The following SYNCRIP variants were observed in gnomAD, a reference collection of about 807,000 sequenced individuals.
SYNCRIP encodes the protein synaptotagmin binding cytoplasmic RNA interacting protein.
A neutral mutation model predicts 68.9 loss-of-function variants in SYNCRIP; 9 were observed. The observed-to-expected ratio is 0.13, with a 90% CI of 0.08 to 0.23. The LOEUF is 0.23. Among genes scored for constraint, SYNCRIP ranks in the 10% least tolerant of loss-of-function variants. The pLI is 1.00. For missense variants in SYNCRIP, 414 were observed against 770.6 expected (o/e 0.54, Z 5.48); for synonymous variants, 258 against 254.0 (o/e 1.02, Z -0.15).
chr6:85,627,032 G>C (rs1422587827), intron 6 of SYNCRIP, among the ~76,000 whole-genome samples: 1 of 152,184 alleles, frequency 6.6e-6, no homozygotes, highest in African/African-American at 2.4e-5. Flanking sequence ...TTGGGAGGCT[G>C]AGGCGGGCGA....
chr6:85,617,013 A>G lies in SYNCRIP; in HGVS notation c.1281-1666T>C, dbSNP rs139984805. 2.9e-3 allele frequency among the ~76,000 whole-genome samples: 442 copies of G among 152,252 alleles called. 1 individual carries two copies. Among genetic ancestry groups the G allele is most frequent in the African/African-American group, 0.01 (420 of 41,530 alleles). ...ATGAGAAATCCTGGTATAGTGGTTA[A>G]GAGGGAAAATTATGGGAGACTAGAC... On this transcript the variant is annotated intron_variant, in intron 10 of 10. Transcript: ENST00000369622.
At position 85,615,303 on chromosome 6, in the gene SYNCRIP, G is replaced by A; in HGVS notation, c.1325C>T (p.Pro442Leu). 1.3e-6 allele frequency: 2 copies of A among 1,570,974 alleles called. No individual in the cohort carries two copies. Among genetic ancestry groups the A allele is most frequent in the Non-Finnish European group, 1.7e-6 (2 of 1,153,720 alleles). ...YYYGPPHMPP[P>L]TRGRGRGGRG... ...ACCTCCACGCCCTCGACCTCTTGTT[G>A]GAGGGGGCATATGAGGTGGACCATA... is the stretch of plus-strand genomic sequence containing the variant. The change falls in exon 11 of 11, where the codon CCA becomes CTA. Residue 442 changes from proline (P) to leucine (L), a missense_variant. Physicochemically the swap from Pro to Leu is moderately conservative, Grantham distance 98 (BLOSUM62 -3). Around this residue, in one of 6 missense-constraint regions of SYNCRIP, gnomAD observed 72 missense variants for 119.8 expected, o/e 0.60. Coordinates refer to ENST00000369622, the MANE Select transcript of SYNCRIP (RefSeq NM_006372.5).
In SYNCRIP at chr6:85,623,981, T is replaced by G; in HGVS notation, c.798A>C (p.Val266=). 1 of 1,613,700 alleles carries G rather than the reference T, an allele frequency of 6.2e-7. No homozygotes were observed. Among genetic ancestry groups the G allele is most frequent in the Non-Finnish European group, 8.5e-7 (1 of 1,179,880 alleles). Residue 266 remains valine (V), a synonymous_variant, in exon 7 of 11, where the codon GTA becomes GTC. Coordinates refer to ENST00000369622, the MANE Select transcript of SYNCRIP (RefSeq NM_006372.5). ...KEQILEEFSK[V]TEGLTDVILY... is the part of the protein sequence containing the mutation. ...TTCCAAATAAATCCAACTTACCTGT[T>G]ACTTTGCTAAATTCTTCAAGAATCT... is the stretch of plus-strand genomic sequence containing the variant.
chr6:85,623,968 C>T lies in SYNCRIP; in HGVS notation c.802+9G>A. On this transcript the variant is annotated intron_variant, in intron 7 of 10. Transcript: ENST00000369622. Reference sequence around the variant, plus strand: ...AAGCTGCACCTCATTCCAAATAAATCCAACTTACCTGTTACTTTGCTAAAT... The same window carrying T: ...AAGCTGCACCTCATTCCAAATAAATTCAACTTACCTGTTACTTTGCTAAAT... The T allele has an allele frequency of 6.2e-7, 1 of 1,613,390 alleles. No homozygotes were observed. The highest frequency in any genetic ancestry group is 8.5e-7 in the Non-Finnish European group (1 of 1,179,766).
intron 2 of SYNCRIP, 140 bp from the exon 3 acceptor site, chr6:85,640,704 C>T (rs554015006): frequency 9.2e-6 from 5 of 543,894 alleles, no homozygotes; most frequent in Non-Finnish European, 1.6e-5. Flanking sequence ...AAAAAACACA[C>T]ACTTCAGCCA....
intron 6 of SYNCRIP, among the ~76,000 whole-genome samples, chr6:85,629,598 C>T (rs1047519978): frequency 2.8e-4 from 41 of 147,322 alleles, no homozygotes; most frequent in African/African-American, 1.0e-3. Context: ...CCGATGTGGG[C>T]GGATCACGAG....
chr6:85,634,624 C>T (rs751317657), intron 6 of SYNCRIP, among the ~76,000 whole-genome samples: 3 of 151,848 alleles, frequency 2.0e-5, no homozygotes, highest in African/African-American at 7.3e-5. Context: ...CTTCAATCCT[C>T]AGCTAGCTGA....
At chr6:85,628,969 C>T (rs750668895) in intron 6 of SYNCRIP, among the ~76,000 whole-genome samples, 5 of 152,072 alleles carry the variant, frequency 3.3e-5, no homozygotes, top group Non-Finnish European at 5.9e-5. Flanking sequence ...CCAAAATCTC[C>T]GATCTTTCTC....
chr6:85,621,374 G>A (rs1012680259), intron 8 of SYNCRIP, among the ~76,000 whole-genome samples: 4 of 152,124 alleles, frequency 2.6e-5, no homozygotes, highest in African/African-American at 9.7e-5. Flanking sequence ...AGCATTTTGG[G>A]AAGCAGGATT....
At chr6:85,627,671 G>A (rs1807213267) in intron 6 of SYNCRIP, among the ~76,000 whole-genome samples, 1 of 152,094 alleles carries the variant, frequency 6.6e-6, no homozygotes, top group Admixed American at 6.6e-5. Context: ...ACACTACAGT[G>A]GTATAAAAAA....
intron 4 of SYNCRIP, among the ~76,000 whole-genome samples, chr6:85,638,841 G>A (rs1259547267): frequency 6.6e-6 from 1 of 152,122 alleles, no homozygotes; most frequent in African/African-American, 2.4e-5. Context: ...AAAACAAAAA[G>A]GAAAAACTTA....
At chr6:85,638,914 T>C (rs529195567) in intron 4 of SYNCRIP, among the ~76,000 whole-genome samples, 25 of 152,292 alleles carry the variant, frequency 1.6e-4, no homozygotes, top group East Asian at 3.9e-4. Context: ...TTAGCTCTCA[T>C]TGAAACTGTA....
At chr6:85,622,139 C>T (rs1185686354) in intron 8 of SYNCRIP, among the ~76,000 whole-genome samples, 2 of 151,922 alleles carry the variant, frequency 1.3e-5, no homozygotes, top group African/African-American at 2.4e-5. Context: ...TTTGGAAGGC[C>T]GAGGTAGGTG....
chr6:85,617,484 T>C (rs1475653645), intron 10 of SYNCRIP, among the ~76,000 whole-genome samples: 2 of 152,256 alleles, frequency 1.3e-5, no homozygotes, highest in African/African-American at 2.4e-5. Flanking sequence ...GTTTGAAATA[T>C]AGAGCATTAA....
At chr6:85,612,323 CT>C (rs1248172885), downstream of SYNCRIP, 1 of 152,164 alleles carries the variant, frequency 6.6e-6, no homozygotes. Flanking sequence ...TCTGGAATGC[CT>C]GACTAACCAG....
At chr6:85,634,433 A>G (rs1438460581) in intron 6 of SYNCRIP, among the ~76,000 whole-genome samples, 1 of 152,234 alleles carries the variant, frequency 6.6e-6, no homozygotes, top group Non-Finnish European at 1.5e-5. Flanking sequence ...AATGGATGAC[A>G]CCACTAGCTA....
intron 6 of SYNCRIP, among the ~76,000 whole-genome samples, chr6:85,631,445 G>A (rs1807778312): frequency 6.6e-6 from 1 of 151,756 alleles, no homozygotes; most frequent in Non-Finnish European, 1.5e-5. Flanking sequence ...GTCTGGATAG[G>A]GCCTTGTTTG....
chr6:85,638,578 T>C (rs1808756718), intron 4 of SYNCRIP, among the ~76,000 whole-genome samples: 1 of 152,118 alleles, frequency 6.6e-6, no homozygotes, highest in East Asian at 1.9e-4. Flanking sequence ...TTTATCAAAA[T>C]GCATAATCTA....
downstream of SYNCRIP, chr6:85,610,406 TAAGTA>T (rs902126329): frequency 3.3e-5 from 5 of 152,012 alleles, no homozygotes. Context: ...TACCCTTCTT[TAAGTA>T]TAACCATCAA....
Sources: gnomAD v4.1 joint callset for allele counts (sites outside exome capture counted in the v4.1 genomes callset) on GRCh38, gnomAD v4.1.1 for gene constraint, gnomAD v4.1.1 regional missense constraint, MANE v1.5 for transcripts, NCBI Gene and HGNC (gene_info 2026-07-23, HGNC 2026-07-21) for gene names.